The following ROBO2 variants were observed in gnomAD, a reference collection of about 807,000 sequenced individuals.
ROBO2 encodes roundabout homolog 2.
In ROBO2, 53 loss-of-function variants were observed where a neutral mutation model predicts 160.8. That is an observed-to-expected ratio of 0.33 (90% CI 0.26 to 0.41). The LOEUF (loss-of-function observed/expected upper bound fraction) is 0.41, where lower values mean the gene tolerates loss of function less well. ROBO2 is among the 10% of genes least tolerant of loss of function. ROBO2 has a pLI of 1.00. For missense variants in ROBO2, 1,577 were observed against 1,722.4 expected (o/e 0.92, Z 1.49); for synonymous variants, 664 against 611.7 (o/e 1.09, Z -1.26).
At chr3:77,611,652 A>G (rs2094645512) in intron 21 of ROBO2, among the ~76,000 whole-genome samples, 1 of 152,226 alleles carries the variant, frequency 6.6e-6, no homozygotes, top group South Asian at 2.1e-4. Context: ...CTTAGCTATC[A>G]TCAGTTTTCA....
chr3:77,135,012 A>G (rs1224829186), intron 2 of ROBO2, among the ~76,000 whole-genome samples: 3 of 152,168 alleles, frequency 2.0e-5, no homozygotes, highest in African/African-American at 4.8e-5. Flanking sequence ...AGCTAGAGAG[A>G]TGACGCCGTG....
Position 76,391,423 on chromosome 3 carries a change from A to T in ROBO2, c.109+453821A>T, listed in dbSNP as rs187598702. 6.5e-3 allele frequency among the ~76,000 whole-genome samples: 994 copies of T among 152,332 alleles called. 8 individuals carry two copies. Among genetic ancestry groups the T allele is most frequent in the Admixed American group, 0.013 (206 of 15,298 alleles). Reference sequence around the variant, plus strand: ...TAGAAATGTGCTTATTTAAAATAGTAATAAAGCTCATACAATGTGTTTCTA... The same window carrying T: ...TAGAAATGTGCTTATTTAAAATAGTTATAAAGCTCATACAATGTGTTTCTA... On this transcript the variant is annotated intron_variant, in intron 2 of 26. Transcript: ENST00000487694.
At chr3:76,146,429 A>C (rs1442207913) in intron 2 of ROBO2, among the ~76,000 whole-genome samples, 1 of 151,808 alleles carries the variant, frequency 6.6e-6, no homozygotes, top group African/African-American at 2.4e-5. Flanking sequence ...TCCTGCTCTG[A>C]ACAAATCCTT....
chr3:76,468,885 C>T (rs2078501600), intron 2 of ROBO2, among the ~76,000 whole-genome samples: 1 of 152,098 alleles, frequency 6.6e-6, no homozygotes. Context: ...GCTGCCACCA[C>T]ACATTTCTCT....
chr3:76,892,668 AT>A (rs747480935), intron 2 of ROBO2, among the ~76,000 whole-genome samples: 4 of 152,270 alleles, frequency 2.6e-5, no homozygotes, highest in Non-Finnish European at 5.9e-5. Context: ...CTCTGGTTAA[AT>A]TTTTCATCTA....
At chr3:76,850,574 GT>G (rs2069241139) in intron 2 of ROBO2, among the ~76,000 whole-genome samples, 1 of 152,112 alleles carries the variant, frequency 6.6e-6, no homozygotes, top group South Asian at 2.1e-4. Flanking sequence ...ATGGGAATAA[GT>G]TCTAGTGCCC....
chr3:76,929,427 T>A (rs1352718464), intron 2 of ROBO2, among the ~76,000 whole-genome samples: 1 of 152,178 alleles, frequency 6.6e-6, no homozygotes, highest in Non-Finnish European at 1.5e-5. Flanking sequence ...TGTCCACAGA[T>A]CCTGTGACAC....
At chr3:76,138,558 G>A (rs1251754374) in intron 2 of ROBO2, among the ~76,000 whole-genome samples, 1 of 151,996 alleles carries the variant, frequency 6.6e-6, no homozygotes. Flanking sequence ...TAAGACCTAA[G>A]CACCTCTTTT....
intron 2 of ROBO2, among the ~76,000 whole-genome samples, chr3:77,120,968 G>T (rs1013402345): frequency 2.6e-5 from 4 of 151,882 alleles, no homozygotes; most frequent in Non-Finnish European, 5.9e-5. Context: ...TTTTTGAGAC[G>T]GAGTCTCACT....
At chr3:76,783,170 A>T (rs765824005) in intron 2 of ROBO2, among the ~76,000 whole-genome samples, 15 of 150,966 alleles carry the variant, frequency 9.9e-5, no homozygotes, top group Non-Finnish European at 1.8e-4. Context: ...ATTCCTGAAC[A>T]TACATTTTAT....
chr3:76,476,616 C>G (rs1577468307), intron 2 of ROBO2, among the ~76,000 whole-genome samples: 1 of 152,126 alleles, frequency 6.6e-6, no homozygotes, highest in South Asian at 2.1e-4. Flanking sequence ...ACTGTTCAAT[C>G]CAGGGTGATT....
intron 2 of ROBO2, among the ~76,000 whole-genome samples, chr3:76,701,364 A>G (rs564690905): frequency 6.6e-5 from 10 of 152,224 alleles, no homozygotes; most frequent in East Asian, 5.8e-4. Flanking sequence ...AAAGTTAAGT[A>G]TATAAAATAT....
intron 4 of ROBO2, among the ~76,000 whole-genome samples, chr3:77,489,497 G>A (rs1198724805): frequency 1.3e-5 from 2 of 152,100 alleles, no homozygotes; most frequent in Non-Finnish European, 2.9e-5. Context: ...GTGCCTCCAC[G>A]TGTCTCCATA....
intron 2 of ROBO2, among the ~76,000 whole-genome samples, chr3:76,184,855 G>A (rs1316629462): frequency 6.6e-6 from 1 of 152,062 alleles, no homozygotes. Context: ...GAGAAAGAGT[G>A]TAACTCAGCT....
chr3:77,538,757 C>T, intron 6 of ROBO2: 3 of 341,310 alleles, frequency 8.8e-6, no homozygotes, highest in Non-Finnish European at 1.8e-5. Context: ...GAAACAATCA[C>T]GTATCAATTA....
intron 22 of ROBO2, among the ~76,000 whole-genome samples, chr3:77,619,113 G>C (rs1019616947): frequency 6.6e-6 from 1 of 152,248 alleles, no homozygotes; most frequent in Middle Eastern, 3.4e-3. Context: ...CCAGATCATG[G>C]GACAGCCAAG....
intron 2 of ROBO2, among the ~76,000 whole-genome samples, chr3:76,096,387 G>A (rs2069454033): frequency 6.6e-6 from 1 of 152,126 alleles, no homozygotes; most frequent in Non-Finnish European, 1.5e-5. Flanking sequence ...CTCCCCAGAA[G>A]AGGTATATTT....
chr3:77,598,921 G>A (rs1298233837), intron 19 of ROBO2, among the ~76,000 whole-genome samples: 1 of 152,128 alleles, frequency 6.6e-6, no homozygotes, highest in Non-Finnish European at 1.5e-5. Flanking sequence ...ACATGCTATT[G>A]TTACATGAAA....
intron 2 of ROBO2, among the ~76,000 whole-genome samples, chr3:76,838,019 C>T (rs904053528): frequency 2.0e-5 from 3 of 151,960 alleles, no homozygotes; most frequent in Non-Finnish European, 2.9e-5. Flanking sequence ...TGTTTCATTA[C>T]GCTAGACAAT....
Sources: gnomAD v4.1 joint callset for allele counts (sites outside exome capture counted in the v4.1 genomes callset) on GRCh38, gnomAD v4.1.1 for gene constraint, MANE v1.5 for transcripts, NCBI Gene and HGNC (gene_info 2026-07-23, HGNC 2026-07-21) for gene names.